LRRC37A: variants seen among roughly 807,000 people sequenced by gnomAD.
LRRC37A encodes leucine rich repeat containing 37A.
LRRC37A carries 3 observed loss-of-function variants against 35.4 expected under a neutral mutation model. That is an observed-to-expected ratio of 0.08 (90% CI 0.04 to 0.22). The LOEUF (loss-of-function observed/expected upper bound fraction) is 0.22, where lower values mean the gene tolerates loss of function less well. LRRC37A is among the 10% of genes least tolerant of loss of function. The pLI is 1.00. For missense variants in LRRC37A, 67 were observed against 565.3 expected, an observed-to-expected ratio of 0.12 and a Z score of 8.94; for synonymous variants, 23 against 215.0, an observed-to-expected ratio of 0.11 and a Z score of 7.81.
chr17:46,280,704 G>C, the LRRC37A span, among the ~76,000 whole-genome samples: 2 of 151,726 alleles, frequency 1.3e-5, no homozygotes, highest in African/African-American at 4.8e-5. Flanking sequence ...CTCCTGTGTG[G>C]CTGGGACTAC....
the LRRC37A span, among the ~76,000 whole-genome samples, chr17:46,279,260 T>C: frequency 1.3e-5 from 2 of 150,998 alleles, no homozygotes; most frequent in African/African-American, 2.4e-5. Context: ...CTTGGCTCAC[T>C]GCAACCTCCA....
chr17:46,327,931 G>A lies in LRRC37A; in HGVS notation c.3054-461G>A, dbSNP rs1286923191. ...CTCAAATTGTCCAGATTTGACCAAT[G>A]CAGTCTTTGTTATTTTTTAACTCCG... On this transcript the variant is annotated intron_variant, in intron 7 of 13. Transcript: ENST00000320254. Among the ~76,000 whole-genome samples the A allele has an allele frequency of 2.0e-4, 12 of 61,038 alleles. 3 individuals are homozygous for A. The highest frequency in any genetic ancestry group is 4.4e-4 in the African/African-American group (12 of 27,394). 40.0% of individuals were successfully genotyped at this position (61,038 alleles called of 152,430 possible).
At chr17:46,317,152 C>G (rs1367522855) in intron 5 of LRRC37A, among the ~76,000 whole-genome samples, 2 of 88,554 alleles carry the variant, frequency 2.3e-5, no homozygotes. Flanking sequence ...GGGTGGCGGC[C>G]GGGCAGAGGC....
the LRRC37A span, among the ~76,000 whole-genome samples, chr17:46,287,323 A>G: frequency 6.6e-6 from 1 of 152,284 alleles, no homozygotes; most frequent in African/African-American, 2.4e-5. Context: ...CAAAGAATCA[A>G]AGACTTACAC....
the LRRC37A span, among the ~76,000 whole-genome samples, chr17:46,257,894 G>A: frequency 6.6e-6 from 1 of 152,156 alleles, no homozygotes; most frequent in Admixed American, 6.6e-5. Context: ...ACTTTCTGTG[G>A]GCCAGGAATC....
the LRRC37A span, among the ~76,000 whole-genome samples, chr17:46,251,556 C>G: frequency 2.0e-5 from 3 of 151,018 alleles, no homozygotes; most frequent in Non-Finnish European, 4.5e-5. Context: ...CCTCACCTGT[C>G]CTGCTTAACG....
the LRRC37A span, among the ~76,000 whole-genome samples, chr17:46,253,753 G>GAA: frequency 6.6e-6 from 1 of 150,926 alleles, no homozygotes. Flanking sequence ...GGAGACCGTG[G>GAA]GGAGAGGGAG....
At chr17:46,308,013 A>G in intron 5 of LRRC37A, among the ~76,000 whole-genome samples, 1 of 73,172 alleles carries the variant, frequency 1.4e-5, no homozygotes, top group African/African-American at 3.5e-5. Flanking sequence ...CTCTGTCTCA[A>G]ATAATAATAA....
chr17:46,317,164 C>G (rs1487542218), intron 5 of LRRC37A, among the ~76,000 whole-genome samples: 1 of 90,008 alleles, frequency 1.1e-5, no homozygotes, highest in African/African-American at 3.0e-5. Context: ...GGCAGAGGCG[C>G]TCCTCACATC....
the LRRC37A span, among the ~76,000 whole-genome samples, chr17:46,287,428 G>C: frequency 6.6e-6 from 1 of 152,216 alleles, no homozygotes; most frequent in Admixed American, 6.5e-5. Flanking sequence ...TGAAAACAAA[G>C]CAAAGCGCAA....
the LRRC37A span, among the ~76,000 whole-genome samples, chr17:46,283,995 G>C: frequency 0.045 from 5,777 of 127,746 alleles, no homozygotes; most frequent in Non-Finnish European, 0.074. Flanking sequence ...CCCACCTCCA[G>C]CCCTAAGGCG....
the LRRC37A span, among the ~76,000 whole-genome samples, chr17:46,272,260 T>A: frequency 6.6e-6 from 1 of 152,342 alleles, no homozygotes; most frequent in Non-Finnish European, 1.5e-5. Context: ...GGTAGAAACA[T>A]CCTAAGAGTA....
the LRRC37A span, among the ~76,000 whole-genome samples, chr17:46,269,264 TG>T: frequency 6.6e-6 from 1 of 152,222 alleles, no homozygotes; most frequent in South Asian, 2.1e-4. Flanking sequence ...CCGGGCGCGG[TG>T]GCTCACACCT....
the LRRC37A span, among the ~76,000 whole-genome samples, chr17:46,279,704 C>T: frequency 2.6e-5 from 4 of 151,784 alleles, no homozygotes; most frequent in South Asian, 2.1e-4. Flanking sequence ...TCATGTTGCC[C>T]GGGCTGGTCT....
the LRRC37A span, among the ~76,000 whole-genome samples, chr17:46,284,495 T>A: frequency 6.6e-6 from 1 of 152,184 alleles, no homozygotes; most frequent in Non-Finnish European, 1.5e-5. Flanking sequence ...AGAACTTTTC[T>A]TAGTACAGAA....
At chr17:46,248,160 G>A in the LRRC37A span, among the ~76,000 whole-genome samples, 3 of 152,004 alleles carry the variant, frequency 2.0e-5, no homozygotes, top group African/African-American at 7.3e-5. Context: ...TGGAAAAACT[G>A]TAAGTTATTT....
At chr17:46,249,507 C>G in the LRRC37A span, among the ~76,000 whole-genome samples, 2 of 152,208 alleles carry the variant, frequency 1.3e-5, no homozygotes, top group East Asian at 3.8e-4. Flanking sequence ...CACACTCTTT[C>G]TATGCTTCCA....
At chr17:46,270,899 G>C in the LRRC37A span, among the ~76,000 whole-genome samples, 21,716 of 151,880 alleles carry the variant, frequency 0.14, 1,898 homozygotes, top group Middle Eastern at 0.22. Context: ...GACTCTGTCT[G>C]AAACAACAAC....
At chr17:46,274,075 G>C in the LRRC37A span, among the ~76,000 whole-genome samples, 9 of 152,244 alleles carry the variant, frequency 5.9e-5, no homozygotes. Context: ...GGCCACTGCT[G>C]TCCAGGAGAA....
Sources: allele counts gnomAD v4.1 joint callset (sites outside exome capture counted in the v4.1 genomes callset), GRCh38; gene constraint gnomAD v4.1.1; transcripts MANE v1.5; gene names NCBI Gene and HGNC (gene_info 2026-07-23, HGNC 2026-07-21).